The following DENND1C variants were observed in gnomAD, a reference collection of about 807,000 sequenced individuals.
DENND1C encodes the protein DENN domain containing 1C.
DENND1C carries 64 observed loss-of-function variants against 87.9 expected under a neutral mutation model. That is an observed-to-expected ratio of 0.73 (90% confidence interval 0.60 to 0.90). The LOEUF (loss-of-function observed/expected upper bound fraction) is 0.90. DENND1C is among the 40% of genes least tolerant of loss of function. The pLI, the probability that DENND1C is intolerant of heterozygous loss-of-function variation, is 0.00. For synonymous variants in DENND1C, 384 were observed against 424.4 expected, an observed-to-expected ratio of 0.90 and a Z score of 1.17; for missense variants, 980 against 1,037.0, an observed-to-expected ratio of 0.95 and a Z score of 0.76.
At position 6,480,069 on chromosome 19, in the gene DENND1C, G is replaced by T; in HGVS notation, c.18-18C>A. ...AGCCCCCTCTGTGGGATGCAGAAGGGGTCCAGAGACTTGCTTCTATGCATG... is the reference window on the plus strand; with the variant it reads ...AGCCCCCTCTGTGGGATGCAGAAGGTGTCCAGAGACTTGCTTCTATGCATG... On this transcript the variant is annotated intron_variant, in intron 1 of 22. Transcript: ENST00000381480. 1.3e-6 allele frequency: 2 copies of T among 1,599,364 alleles called. No individual in the cohort carries two copies. Among genetic ancestry groups the T allele is most frequent in the Non-Finnish European group, 1.7e-6 (2 of 1,173,996 alleles).
intron 14 of DENND1C, among the ~76,000 whole-genome samples, chr19:6,473,329 AT>A (rs1223202708): frequency 6.6e-6 from 1 of 150,958 alleles, no homozygotes; most frequent in Non-Finnish European, 1.5e-5. Context: ...TAATTTTTGT[AT>A]TTTTAGTAGA....
chr19:6,475,895 T>G lies in DENND1C; in HGVS notation c.721A>C (p.Met241Leu), dbSNP rs2092856995. 1 of 1,567,212 alleles carries G rather than the reference T, an allele frequency of 6.4e-7. No homozygotes were observed. The highest frequency in any genetic ancestry group is 8.6e-7 in the Non-Finnish European group (1 of 1,165,378). ...VHASCALLYP[M>L]RWEHVLIPTL... ...GGGATCAGCACGTGCTCCCAGCGCA[T>G]GGGGTACAGGAGCGCGCAGGACGCG... Residue 241 changes from methionine to leucine, a missense_variant, in exon 11 of 23, where the codon ATG (methionine) becomes CTG (leucine). By Grantham distance (15) the Met-to-Leu change is conservative. Coordinates refer to ENST00000381480, the MANE Select transcript of DENND1C (RefSeq NM_024898.4).
rs200954748 is a variant in DENND1C, at chr19:6,468,222, C to A, written c.1791+12G>T. On this transcript the variant is annotated intron_variant, in intron 22 of 22. Coordinates refer to ENST00000381480, the MANE Select transcript of DENND1C (RefSeq NM_024898.4). The stretch of plus-strand genomic sequence containing the variant: ...CTTGGGGTAGGGTTGGGGGAGTGGG[C>A]GAGGCTCTCACCAGGCTGAAGCAGC... The A allele has an allele frequency of 1.1e-5, 17 of 1,612,548 alleles. No homozygotes were observed. In the South Asian group the frequency reaches 1.5e-4, roughly 15 times the overall value.
intron 17 of DENND1C, among the ~76,000 whole-genome samples, chr19:6,470,868 C>T (rs1295695090): frequency 2.6e-5 from 4 of 152,066 alleles, no homozygotes; most frequent in Non-Finnish European, 5.9e-5. Flanking sequence ...GATCCGCCCG[C>T]CTCAGCCTCA....
intron 15 of DENND1C, among the ~76,000 whole-genome samples, chr19:6,472,625 G>A (rs921819989): frequency 1.3e-5 from 2 of 152,146 alleles, no homozygotes; most frequent in Non-Finnish European, 2.9e-5. Context: ...TCCTGAACTC[G>A]TGATCCGCCT....
Position 6,469,570 on chromosome 19 carries a change from C to T in DENND1C, c.1407+26G>A, listed in dbSNP as rs1232469229. On this transcript the variant is annotated intron_variant, in intron 19 of 22. Coordinates refer to ENST00000381480, the MANE Select transcript of DENND1C (RefSeq NM_024898.4). The stretch of plus-strand genomic sequence containing the variant: ...AAGTGCTGGGATTACAGGGGTGAGC[C>T]ACTGCACCCGGCCAGTTGATCTTAC... 4 of 1,594,420 alleles carry T rather than the reference C, an allele frequency of 2.5e-6. No homozygotes were observed. In the Admixed American group the frequency reaches 5.2e-5, roughly 21 times the overall value.
intron 10 of DENND1C, 79 bp from the exon 11 acceptor site, chr19:6,476,016 C>T: frequency 1.6e-6 from 2 of 1,269,424 alleles, no homozygotes; most frequent in East Asian, 2.6e-5. Flanking sequence ...TTTCCCACGT[C>T]CCCAGTCTCC....
intron 10 of DENND1C, chr19:6,476,303 T>C (rs1391297553): frequency 4.3e-6 from 1 of 230,046 alleles, no homozygotes; most frequent in Non-Finnish European, 8.4e-6. Context: ...TAGGGGTGGA[T>C]CCAAGACGTA....
Position 6,475,769 on chromosome 19 carries a change from G to T in DENND1C, c.780-18C>A. The stretch of plus-strand genomic sequence containing the variant: ...TGGGCGCGCTGCGGACCGAGGGGAC[G>T]GGGTCATGCAGGCACCGCCCCCAGG... On this transcript the variant is annotated intron_variant, in intron 11 of 22. Transcript: ENST00000381480. The T allele has an allele frequency of 6.5e-7, 1 of 1,546,544 alleles. No individual in the cohort carries two copies. Among genetic ancestry groups the T allele is most frequent in the Non-Finnish European group, 8.7e-7 (1 of 1,143,986 alleles).
chr19:6,478,682 T>G, intron 6 of DENND1C, 101 bp downstream of exon 6: 1 of 1,353,966 alleles, frequency 7.4e-7, no homozygotes, highest in Non-Finnish European at 1.0e-6. Context: ...TGTGACACAG[T>G]GTGCCCTGCC....
chr19:6,480,047 C>A lies in DENND1C; in HGVS notation c.22G>T (p.Gly8Cys), dbSNP rs756740819. Residue 8 changes from glycine to cysteine, a missense_variant, in exon 2 of 23, where the codon GGC becomes TGC. By Grantham distance (159) the Gly-to-Cys change is radical. Coordinates refer to ENST00000381480, the MANE Select transcript of DENND1C (RefSeq NM_024898.4). MESRAEG[G>C]SPAVFDWFFE... Reference sequence around the variant, plus strand: ...AACCAATCAAACACAGCAGGGGAGCCCCCTCTGTGGGATGCAGAAGGGGTC... The same window carrying A: ...AACCAATCAAACACAGCAGGGGAGCACCCTCTGTGGGATGCAGAAGGGGTC... 76 of 1,607,138 alleles carry A rather than the reference C, an allele frequency of 4.7e-5. No individual in the cohort carries two copies. Among genetic ancestry groups the A allele is most frequent in the Non-Finnish European group, 6.0e-5 (71 of 1,177,554 alleles).
rs1412427823 is a variant in DENND1C at position 6,467,660 on chromosome 19, C to T, written c.2250G>A (p.Arg750=). 6.5e-7 allele frequency: 1 copy of T among 1,532,284 alleles called. No homozygotes were observed. The highest frequency in any genetic ancestry group is 8.8e-7 in the Non-Finnish European group (1 of 1,142,510). 94.9% of individuals were successfully genotyped at this position (1,532,284 alleles called of 1,614,324 possible). A position where few individuals can be genotyped will look rare whatever the true frequency, so the allele number is the denominator to read the frequency against. The change falls in exon 23 of 23, where the codon CGG becomes CGA. Residue 750 remains arginine (R), a synonymous_variant. Coordinates refer to ENST00000381480, the MANE Select transcript of DENND1C (RefSeq NM_024898.4). ...GCTCTGCCAGCAGGGCTTTGGGAGG[C>T]CGGGCTCTGGGGTCCTCCAGAGAAC... ...DPSSLEDPRA[R]PPKALLAERA...
intron 8 of DENND1C, 24 bp from the exon 9 acceptor site, chr19:6,477,151 A>C (rs753842011): frequency 1.3e-6 from 2 of 1,598,214 alleles, no homozygotes; most frequent in Non-Finnish European, 1.7e-6. Context: ...TGGCAGGGGG[A>C]TCAATCAGTC....
intron 14 of DENND1C, among the ~76,000 whole-genome samples, chr19:6,473,834 C>T (rs1483287925): frequency 6.6e-6 from 1 of 151,666 alleles, no homozygotes; most frequent in Non-Finnish European, 1.5e-5. Context: ...AATGATCTGA[C>T]TCGGGTGTTC....
At chr19:6,474,784 G>A (rs898072118) in intron 14 of DENND1C, among the ~76,000 whole-genome samples, 1 of 151,864 alleles carries the variant, frequency 6.6e-6, no homozygotes, top group Non-Finnish European at 1.5e-5. Context: ...ATATAGAGAC[G>A]GTGGCCGGGC....
At chr19:6,477,182 AC>A (rs1377112781) in intron 8 of DENND1C, 35 bp downstream of exon 8, 4 of 1,588,496 alleles carry the variant, frequency 2.5e-6, no homozygotes, top group African/African-American at 1.4e-5. Context: ...CCTCACCTGG[AC>A]CCCCGACCTT....
Position 6,467,387 on chromosome 19 carries a change from G to T in DENND1C, c.*117C>A. The T allele has an allele frequency of 2.2e-6, 3 of 1,340,320 alleles. No individual in the cohort carries two copies. The highest frequency in any genetic ancestry group is 2.9e-6 in the Non-Finnish European group (3 of 1,019,366). 83.0% of individuals were successfully genotyped at this position (1,340,320 alleles called of 1,614,324 possible). ...TGCCCTTGGAGGGACAGAGGTGGGT[G>T]GGATGGATTTCCGAGCAGAGTGAGG... is the stretch of plus-strand genomic sequence containing the variant. On this transcript the variant is annotated 3_prime_UTR_variant, in exon 23 of 23. Coordinates refer to ENST00000381480, the MANE Select transcript of DENND1C (RefSeq NM_024898.4).
At chr19:6,471,147 C>T (rs981019776) in intron 17 of DENND1C, 118 bp downstream of exon 17, 16 of 1,396,240 alleles carry the variant, frequency 1.1e-5, no homozygotes, top group African/African-American at 1.4e-5. Context: ...GGTTTCGTCA[C>T]GTTGCCCTAA....
chr19:6,480,220 G>A lies in DENND1C; in HGVS notation c.18-169C>T, dbSNP rs1437509481. The A allele has an allele frequency of 2.7e-5, 39 of 1,466,416 alleles. No homozygotes were observed. In the East Asian group the frequency reaches 8.2e-4, roughly 31 times the overall value. 90.8% of individuals were successfully genotyped at this position (1,466,416 alleles called of 1,614,324 possible). A position where few individuals can be genotyped will look rare whatever the true frequency, so the allele number is the denominator to read the frequency against. On this transcript the variant is annotated intron_variant, in intron 1 of 22. Coordinates refer to ENST00000381480, the MANE Select transcript of DENND1C (RefSeq NM_024898.4). ...TGTGTGGTTGTGTGAGGCTGTGTGT[G>A]CAGCAGTGTTAATTGAACACACAAG... is the stretch of plus-strand genomic sequence containing the variant.
Sources: allele counts gnomAD v4.1 joint callset (sites outside exome capture counted in the v4.1 genomes callset), GRCh38; gene constraint gnomAD v4.1.1; transcripts MANE v1.5; gene names NCBI Gene and HGNC (gene_info 2026-07-23, HGNC 2026-07-21).